ARHGAP25: variants seen among roughly 807,000 people sequenced by gnomAD.
ARHGAP25 encodes rho GTPase-activating protein 25.
Under a neutral mutation model 71.0 loss-of-function variants are expected in ARHGAP25, and 34 were observed. The observed-to-expected ratio is 0.48, with a 90% CI of 0.36 to 0.64. ARHGAP25 has a LOEUF of 0.64. ARHGAP25 is among the 30% of genes least tolerant of loss of function. ARHGAP25 has a pLI of 0.00. For missense variants in ARHGAP25, 706 were observed against 805.1 expected, an observed-to-expected ratio of 0.88 and a Z score of 1.49; for synonymous variants, 282 against 296.5, an observed-to-expected ratio of 0.95 and a Z score of 0.50.
At chr2:68,809,817 G>C (rs1403897283) in intron 5 of ARHGAP25, among the ~76,000 whole-genome samples, 3 of 152,148 alleles carry the variant, frequency 2.0e-5, no homozygotes, top group Admixed American at 6.5e-5. Flanking sequence ...TACCTCACTA[G>C]AATGAAGGTG....
rs1214933135 is a variant in ARHGAP25 at position 68,816,366 on chromosome 2, A to G, written c.881+4A>G. The G allele has an allele frequency of 6.2e-7, 1 of 1,609,878 alleles. No individual in the cohort carries two copies. Reference sequence around the variant, plus strand: ...GTCTCCTGAGCTACATCTGCAGGTGAGAGGCCCCTGGTATCAACTCTGCAG... The same window carrying G: ...GTCTCCTGAGCTACATCTGCAGGTGGGAGGCCCCTGGTATCAACTCTGCAG... On this transcript the variant is annotated splice_donor_region_variant and intron_variant, in intron 7 of 10. Transcript: ENST00000409202.
intron 1 of ARHGAP25, among the ~76,000 whole-genome samples, chr2:68,753,754 AT>A (rs1676319040): frequency 6.6e-6 from 1 of 152,018 alleles, no homozygotes; most frequent in Non-Finnish European, 1.5e-5. Context: ...ATATCACTTA[AT>A]TTTTTTCATT....
chr2:68,823,001 G>A (rs558299366), intron 10 of ARHGAP25, 129 bp downstream of exon 10: 7 of 974,252 alleles, frequency 7.2e-6, no homozygotes, highest in South Asian at 5.4e-5. Flanking sequence ...TCTATAGCAG[G>A]CCTAGAAAGA....
intron 2 of ARHGAP25, among the ~76,000 whole-genome samples, chr2:68,720,842 G>A (rs771912745): frequency 2.0e-5 from 3 of 152,166 alleles, no homozygotes; most frequent in Admixed American, 6.5e-5. Flanking sequence ...GGCAGGCAAG[G>A]AGGGGCTCCT....
In ARHGAP25 at chr2:68,826,387, A is replaced by G. The variant is rs779511075; in HGVS notation, c.*193A>G. ...AGGGTGAGCAGAGATGTGTGTGGAC[A>G]TCTCTGACCATCCATCGCTGTATTC... On this transcript the variant is annotated 3_prime_UTR_variant, in exon 11 of 11. Transcript: ENST00000409202. 1 of 694,960 alleles carries G rather than the reference A, an allele frequency of 1.4e-6. No individual in the cohort carries two copies. The highest frequency in any genetic ancestry group is 2.6e-6 in the Non-Finnish European group (1 of 383,668). 43.0% of individuals were successfully genotyped at this position (694,960 alleles called of 1,614,324 possible).
At chr2:68,787,780 C>T in intron 3 of ARHGAP25, 60 bp from the exon 4 acceptor site, 1 of 1,393,258 alleles carries the variant, frequency 7.2e-7, no homozygotes. Flanking sequence ...CCCTTCTCTT[C>T]CCCTTGCTCT....
rs61062182 is a variant in ARHGAP25 at position 68,735,280 on chromosome 2, G to T, written c.61+20G>T. ...AAATAGGTATGGTTGGTGTCTTTTCGTTGCCTCTGTGATTCTTACGTATAC... is the reference window on the plus strand; with the variant it reads ...AAATAGGTATGGTTGGTGTCTTTTCTTTGCCTCTGTGATTCTTACGTATAC... On this transcript the variant is annotated intron_variant, in intron 1 of 10. Coordinates refer to ENST00000409202, the MANE Select transcript of ARHGAP25 (RefSeq NM_001007231.3). 6.2e-7 allele frequency: 1 copy of T among 1,611,692 alleles called. No homozygotes were observed. Among genetic ancestry groups the T allele is most frequent in the South Asian group, 1.1e-5 (1 of 91,036 alleles).
chr2:68,750,190 T>C (rs1676073991), intron 1 of ARHGAP25, among the ~76,000 whole-genome samples: 1 of 150,650 alleles, frequency 6.6e-6, no homozygotes, highest in African/African-American at 2.4e-5. Context: ...TTTTTTTCTT[T>C]TTGTAGAGAT....
intron 1 of ARHGAP25, among the ~76,000 whole-genome samples, chr2:68,771,058 G>A (rs13395311): frequency 1.6e-3 from 238 of 152,256 alleles, no homozygotes; most frequent in African/African-American, 5.2e-3. Flanking sequence ...CTAGTATGAC[G>A]GAGGAACTCA....
At chr2:68,803,831 G>T (rs1323892235) in intron 4 of ARHGAP25, among the ~76,000 whole-genome samples, 2 of 152,114 alleles carry the variant, frequency 1.3e-5, no homozygotes, top group African/African-American at 4.8e-5. Flanking sequence ...GAAGGAAAGA[G>T]GAGCCAAGAT....
chr2:68,822,215 A>G, intron 9 of ARHGAP25, 125 bp from the exon 10 acceptor site: 1 of 899,528 alleles, frequency 1.1e-6, no homozygotes, highest in Non-Finnish European at 1.7e-6. Flanking sequence ...GTAATGTGAT[A>G]CATTAAGAAT....
intron 9 of ARHGAP25, chr2:68,819,726 A>G: frequency 2.0e-6 from 1 of 509,930 alleles, no homozygotes; most frequent in African/African-American, 1.9e-5. Context: ...ATGAAACGTG[A>G]TTCCTTTCTC....
At chr2:68,729,692 C>T (rs1192474860) in intron 2 of ARHGAP25, among the ~76,000 whole-genome samples, 3 of 152,160 alleles carry the variant, frequency 2.0e-5, no homozygotes, top group Non-Finnish European at 4.4e-5. Flanking sequence ...TTAATGGAAA[C>T]ATAAACCGTA....
chr2:68,795,942 C>T lies in ARHGAP25; in HGVS notation c.466+7986C>T, dbSNP rs765125396. Among the ~76,000 whole-genome samples, 4 of 152,170 alleles carry T rather than the reference C, an allele frequency of 2.6e-5. No homozygotes were observed. In the South Asian group the frequency reaches 6.2e-4, roughly 24 times the overall value. Reference sequence around the variant, plus strand: ...ATTTGTTTCATGAATCTGGATGCTCCGTGTTGAGTGCATATGTATTTAGAA... The same window carrying T: ...ATTTGTTTCATGAATCTGGATGCTCTGTGTTGAGTGCATATGTATTTAGAA... On this transcript the variant is annotated intron_variant, in intron 4 of 10. Transcript: ENST00000409202.
At chr2:68,723,208 G>GAGTT (rs1182925256) in intron 2 of ARHGAP25, among the ~76,000 whole-genome samples, 1 of 152,192 alleles carries the variant, frequency 6.6e-6, no homozygotes, top group Non-Finnish European at 1.5e-5. Flanking sequence ...ATGACAAAGG[G>GAGTT]AGTTATCCAT....
Position 68,757,670 on chromosome 2 carries a change from A to G in ARHGAP25, c.62-17551A>G, listed in dbSNP as rs184812037. The G allele has an allele frequency of 4.6e-5, 7 of 152,252 alleles. No homozygotes were observed. The East Asian group carries it at 1.3e-3, about 29-fold the overall frequency. 9.4% of individuals were successfully genotyped at this position (152,252 alleles called of 1,614,324 possible). A position where few individuals can be genotyped will look rare whatever the true frequency, so the allele number is the denominator to read the frequency against. On this transcript the variant is annotated intron_variant, in intron 1 of 10. Transcript: ENST00000409202. ...TAAAGGGAGTCCTTCCTGCAGGTTG[A>G]TATAAAAGGACACTAAACAATAACT... is the stretch of plus-strand genomic sequence containing the variant.
intron 2 of ARHGAP25, among the ~76,000 whole-genome samples, chr2:68,777,027 G>A (rs1001567176): frequency 2.6e-5 from 4 of 152,114 alleles, no homozygotes; most frequent in African/African-American, 9.7e-5. Context: ...GGGAAGGATC[G>A]CAGGGACCCC....
chr2:68,808,614 C>T (rs993507736), intron 5 of ARHGAP25, among the ~76,000 whole-genome samples: 7 of 152,150 alleles, frequency 4.6e-5, no homozygotes, highest in Admixed American at 2.0e-4. Flanking sequence ...AACAATAGCC[C>T]GTTATTGGCA....
At chr2:68,732,430 G>C (rs2104271220), upstream of ARHGAP25, among the ~76,000 whole-genome samples, 1 of 152,342 alleles carries the variant, frequency 6.6e-6, no homozygotes, top group Middle Eastern at 3.4e-3. Flanking sequence ...TGGAGATGCT[G>C]CTGGGCCGGG....
Sources: gnomAD v4.1 joint callset for allele counts (sites outside exome capture counted in the v4.1 genomes callset) on GRCh38, gnomAD v4.1.1 for gene constraint, MANE v1.5 for transcripts, NCBI Gene and HGNC (gene_info 2026-07-23, HGNC 2026-07-21) for gene names.